Variants in IQSEC2 observed in about 807,000 individuals in gnomAD.
IQSEC2 encodes the protein IQ motif and Sec7 domain ArfGEF 2, also known as IQ motif and SEC7 domain-containing protein 2.
IQSEC2 carries 6 observed loss-of-function variants against 74.6 expected under a neutral mutation model. The ratio of observed to expected loss-of-function variants is 0.08; its 90% CI spans 0.04 to 0.16. IQSEC2 has a LOEUF of 0.16. Among genes scored for constraint, IQSEC2 ranks in the 10% least tolerant of loss-of-function variants. The pLI is 1.00. For missense variants in IQSEC2, 734 were observed against 1,306.2 expected, an observed-to-expected ratio of 0.56 and a Z score of 6.75; for synonymous variants, 494 against 544.5, an observed-to-expected ratio of 0.91 and a Z score of 1.29.
rs1449402600 is a variant in IQSEC2, at chrX:53,285,796, C to T, written c.737+6099G>A. ...AGGCCTCTGAGGAGGTGATGGGAAG[C>T]CCCTAGTCTCGGCCAGAGGATGCGA... On this transcript the variant is annotated intron_variant, in intron 2 of 14. Transcript: ENST00000642864. Among the ~76,000 whole-genome samples the T allele has an allele frequency of 8.0e-5, 9 of 112,658 alleles. No homozygotes were observed. The Admixed American group carries it at 8.4e-4, about 11-fold the overall frequency.
At chrX:53,264,281 C>G (rs1212904413) in intron 2 of IQSEC2, among the ~76,000 whole-genome samples, 3 of 111,642 alleles carry the variant, frequency 2.7e-5, no homozygotes, top group African/African-American at 6.5e-5. Context: ...TGAGGATGGC[C>G]GGCCACATGG....
At chrX:53,283,099 C>A (rs1028489824) in intron 2 of IQSEC2, among the ~76,000 whole-genome samples, 1 of 112,067 alleles carries the variant, frequency 8.9e-6, no homozygotes, top group Non-Finnish European at 1.9e-5. Context: ...ACCTGTAGTC[C>A]CAGCTACTTG....
At chrX:53,240,243 T>TA (rs2074197849) in intron 10 of IQSEC2, among the ~76,000 whole-genome samples, 1 of 112,146 alleles carries the variant, frequency 8.9e-6, no homozygotes, top group Non-Finnish European at 1.9e-5. Context: ...CTGGGGGTGA[T>TA]ATTGCCCCCA....
In IQSEC2 at chrX:53,287,919, C is replaced by A. The variant is rs138817130; in HGVS notation, c.737+3976G>T. On this transcript the variant is annotated intron_variant, in intron 2 of 14. Transcript: ENST00000642864. Reference sequence around the variant, plus strand: ...TCCTCCTCTCTCCCACTGTCAAAATCCAGCTCTGACTCCTCTAGACTTCTG... The same window carrying A: ...TCCTCCTCTCTCCCACTGTCAAAATACAGCTCTGACTCCTCTAGACTTCTG... Among the ~76,000 whole-genome samples the A allele has an allele frequency of 3.2e-3, 358 of 112,110 alleles. 2 individuals carry two copies. The highest frequency in any genetic ancestry group is 0.011 in the African/African-American group (352 of 30,890).
intron 5 of IQSEC2, 143 bp downstream of exon 5, chrX:53,250,136 C>G: frequency 1.4e-6 from 1 of 724,159 alleles, no homozygotes; most frequent in Non-Finnish European, 2.1e-6. Context: ...CAATCCTCTT[C>G]CCTGAATGTC....
At chrX:53,291,012 C>T (rs868914985) in intron 2 of IQSEC2, among the ~76,000 whole-genome samples, 13 of 112,268 alleles carry the variant, frequency 1.2e-4, no homozygotes, top group Admixed American at 6.6e-4. Context: ...TACTGGCAGC[C>T]GTGGCTGGGA....
At chrX:53,254,343 A>AAAGG (rs1556864469) in intron 4 of IQSEC2, among the ~76,000 whole-genome samples, 187 bp downstream of exon 4, 1 of 109,081 alleles carries the variant, frequency 9.2e-6, no homozygotes, top group Admixed American at 9.6e-5. Context: ...AAAAAAAAAA[A>AAAGG]AAAAAGGTAA....
intron 1 of IQSEC2, among the ~76,000 whole-genome samples, chrX:53,298,802 G>A (rs1211080660): frequency 2.7e-5 from 3 of 110,801 alleles, no homozygotes; most frequent in Non-Finnish European, 5.7e-5. Context: ...CTGCTTCCTA[G>A]GATACCTCCT....
rs782665044 is a variant in IQSEC2, at chrX:53,254,658, G to A, written c.1273C>T (p.Arg425Trp). 2 of 1,209,983 alleles carry A rather than the reference G, an allele frequency of 1.7e-6. No homozygotes were observed. Among genetic ancestry groups the A allele is most frequent in the South Asian group, 1.8e-5 (1 of 56,664 alleles). The change falls in exon 4 of 15, where the codon CGG (arginine) becomes TGG (tryptophan). Residue 425 changes from arginine (R) to tryptophan (W), a missense_variant. By Grantham distance (101) the Arg-to-Trp change is moderately radical. Around this residue, in one of 12 missense-constraint regions of IQSEC2, gnomAD observed 204 missense variants for 305.4 expected, o/e 0.67. Coordinates refer to ENST00000642864, the MANE Select transcript of IQSEC2 (RefSeq NM_001111125.3). ...CCATATGGGAGCCCCCGTTCAAGCC[G>A]GTGGCTCCGGGCACCAGCCATGGCA... is the stretch of plus-strand genomic sequence containing the variant. ...EGAMAGARSHRLERGLPYGGS... is the reference protein window; with the variant it reads ...EGAMAGARSHWLERGLPYGGS...
chrX:53,261,492 GCACACACA>G (rs3045180), intron 2 of IQSEC2, among the ~76,000 whole-genome samples: 2 of 100,670 alleles, frequency 2.0e-5, no homozygotes, highest in African/African-American at 7.2e-5. Flanking sequence ...ATCTGCATGT[GCACACACA>G]CACACACACA....
At chrX:53,272,266 G>A (rs1045083104) in intron 2 of IQSEC2, among the ~76,000 whole-genome samples, 3 of 110,636 alleles carry the variant, frequency 2.7e-5, no homozygotes, top group African/African-American at 9.9e-5. Context: ...ACTCATGGAG[G>A]GCAAGAACTG....
At chrX:53,307,047 G>C (rs2075269607) in intron 1 of IQSEC2, among the ~76,000 whole-genome samples, 1 of 110,395 alleles carries the variant, frequency 9.1e-6, no homozygotes, top group Non-Finnish European at 1.9e-5. Flanking sequence ...TTCACCCGTA[G>C]GCAAAGTATC....
At chrX:53,301,799 C>T (rs1556875561) in intron 1 of IQSEC2, among the ~76,000 whole-genome samples, 1 of 112,287 alleles carries the variant, frequency 8.9e-6, no homozygotes, top group Non-Finnish European at 1.9e-5. Context: ...TTGTAGAAGG[C>T]CCTAGCCTTC....
intron 8 of IQSEC2, among the ~76,000 whole-genome samples, chrX:53,244,439 T>C (rs2074271605): frequency 9.5e-6 from 1 of 105,336 alleles, no homozygotes; most frequent in Non-Finnish European, 1.9e-5. Context: ...AGTGGGATAA[T>C]AGCTTGAGCC....
At chrX:53,290,462 T>G (rs2075086952) in intron 2 of IQSEC2, among the ~76,000 whole-genome samples, 1 of 112,074 alleles carries the variant, frequency 8.9e-6, no homozygotes. Flanking sequence ...CGGGGATGCT[T>G]GCAGGAGCCC....
At chrX:53,235,876 C>A (rs1556859532) in intron 13 of IQSEC2, 44 bp from the exon 14 acceptor site, 1 of 1,132,895 alleles carries the variant, frequency 8.8e-7, no homozygotes, top group African/African-American at 1.8e-5. Context: ...CAGCAACCCC[C>A]CCCCTACCCT....
At chrX:53,278,856 T>C (rs1195699090) in intron 2 of IQSEC2, among the ~76,000 whole-genome samples, 3 of 112,334 alleles carry the variant, frequency 2.7e-5, no homozygotes, top group African/African-American at 9.7e-5. Flanking sequence ...TTAGAAAACA[T>C]AAAATAGGTT....
chrX:53,256,882 G>A (rs1419525673), intron 2 of IQSEC2, among the ~76,000 whole-genome samples: 4 of 112,395 alleles, frequency 3.6e-5, no homozygotes, highest in Non-Finnish European at 7.5e-5. Context: ...GCAGGAGCTG[G>A]GCCCCGGGTC....
At position 53,248,705 on chromosome X, in the gene IQSEC2, A is replaced by G. The variant is rs1204868242; in HGVS notation, c.2459+16T>C. 1 of 1,210,139 alleles carries G rather than the reference A, an allele frequency of 8.3e-7. No homozygotes were observed. Among genetic ancestry groups the G allele is most frequent in the Admixed American group, 2.2e-5 (1 of 46,011 alleles). On this transcript the variant is annotated intron_variant, in intron 6 of 14. Transcript: ENST00000642864. ...AGGAATCCCTGGCCCAGCCTGCCCC[A>G]TCCTGGGGTCCTCACTCCAACACGT...
Sources: allele counts gnomAD v4.1 joint callset (sites outside exome capture counted in the v4.1 genomes callset), GRCh38; gene constraint gnomAD v4.1.1; regional missense constraint gnomAD v4.1.1; transcripts MANE v1.5; gene names NCBI Gene and HGNC (gene_info 2026-07-23, HGNC 2026-07-21).